The following JAZF1 variants were observed in gnomAD, a reference collection of about 807,000 sequenced individuals.
The protein encoded by JAZF1 is JAZF zinc finger 1, also known as juxtaposed with another zinc finger protein 1.
JAZF1 carries 8 observed loss-of-function variants against 26.4 expected under a neutral mutation model. The observed-to-expected ratio is 0.30, with a 90% CI of 0.18 to 0.55. JAZF1 has a LOEUF of 0.55. JAZF1 is among the 20% of genes least tolerant of loss of function. The pLI is 0.94. For missense variants in JAZF1, 199 were observed against 322.0 expected (o/e 0.62, Z 2.92); for synonymous variants, 126 against 122.3 (o/e 1.03, Z -0.20).
chr7:28,040,393 C>G (rs1342389322), intron 1 of JAZF1, among the ~76,000 whole-genome samples: 5 of 152,058 alleles, frequency 3.3e-5, no homozygotes, highest in South Asian at 4.1e-4. Flanking sequence ...AAGAAAATAT[C>G]GAAGAGAGAT....
At position 27,980,148 on chromosome 7, in the gene JAZF1, G is replaced by C. The variant is rs368579438; in HGVS notation, c.188+11761C>G. On this transcript the variant is annotated intron_variant, in intron 2 of 4. Coordinates refer to ENST00000283928, the MANE Select transcript of JAZF1 (RefSeq NM_175061.4). The stretch of plus-strand genomic sequence containing the variant: ...AGTTTTAACTCTGATATCCCAACAG[G>C]TCAAGCTACACAGTGGCTAGAGCCT... 7.9e-5 allele frequency among the ~76,000 whole-genome samples: 12 copies of C among 152,160 alleles called. No homozygotes were observed. The South Asian group carries it at 1.7e-3, about 21-fold the overall frequency.
At chr7:28,112,831 T>G (rs1784683613) in intron 1 of JAZF1, among the ~76,000 whole-genome samples, 1 of 152,180 alleles carries the variant, frequency 6.6e-6, no homozygotes. Context: ...CATAAAAATT[T>G]GTATCAAGCA....
chr7:28,066,009 T>G (rs901022060), intron 1 of JAZF1, among the ~76,000 whole-genome samples: 1 of 152,190 alleles, frequency 6.6e-6, no homozygotes, highest in Non-Finnish European at 1.5e-5. Flanking sequence ...ACGAGAGGAC[T>G]ACTAATGTAA....
At chr7:28,165,394 G>C (rs1381979073) in intron 1 of JAZF1, among the ~76,000 whole-genome samples, 2 of 151,998 alleles carry the variant, frequency 1.3e-5, no homozygotes, top group African/African-American at 4.8e-5. Flanking sequence ...AGGTCCCTAG[G>C]GGCTTTGAAG....
At chr7:28,080,938 A>C (rs1424221927) in intron 1 of JAZF1, among the ~76,000 whole-genome samples, 1 of 150,320 alleles carries the variant, frequency 6.7e-6, no homozygotes, top group Non-Finnish European at 1.5e-5. Flanking sequence ...TTGTAAAAAA[A>C]AACAAAAAAA....
At chr7:27,874,485 G>A (rs17155971) in intron 3 of JAZF1, among the ~76,000 whole-genome samples, 33,321 of 151,976 alleles carry the variant, frequency 0.22, 4,445 homozygotes, top group East Asian at 0.49. Flanking sequence ...TCTCAAGACA[G>A]CCTAGGCTCA....
At chr7:27,839,610 A>C (rs1004015061) in intron 4 of JAZF1, among the ~76,000 whole-genome samples, 1 of 152,178 alleles carries the variant, frequency 6.6e-6, no homozygotes, top group African/African-American at 2.4e-5. Flanking sequence ...TCACATCTGC[A>C]TCCTGGGAGT....
chr7:28,142,506 A>G (rs1018916506), intron 1 of JAZF1, among the ~76,000 whole-genome samples: 5 of 152,164 alleles, frequency 3.3e-5, no homozygotes, highest in Non-Finnish European at 5.9e-5. Context: ...TCTAAAGGCA[A>G]TGGAGGAGGT....
intron 1 of JAZF1, among the ~76,000 whole-genome samples, chr7:28,040,086 CAAACCTAAAGTATTATT>C (rs1467166723): frequency 6.6e-6 from 1 of 152,090 alleles, no homozygotes; most frequent in Non-Finnish European, 1.5e-5. Context: ...CCAGATAATG[CAAACCTAAAGTATTATT>C]AAAGGGTATT....
chr7:28,079,315 T>G (rs951105306), intron 1 of JAZF1, among the ~76,000 whole-genome samples: 1 of 152,140 alleles, frequency 6.6e-6, no homozygotes. Flanking sequence ...TTAAAAGATG[T>G]ACCTCACTTG....
At chr7:27,972,413 C>A (rs62451158) in intron 2 of JAZF1, among the ~76,000 whole-genome samples, 1 of 152,072 alleles carries the variant, frequency 6.6e-6, no homozygotes, top group East Asian at 1.9e-4. Context: ...GGAACCCCAA[C>A]TCTTTTAGGG....
chr7:28,168,440 T>C (rs1783403233), intron 1 of JAZF1, among the ~76,000 whole-genome samples: 1 of 146,130 alleles, frequency 6.8e-6, no homozygotes, highest in South Asian at 2.2e-4. Flanking sequence ...TCCTAGCTTC[T>C]CTCTCTCAAA....
At chr7:27,893,175 A>C (rs1562520980) in intron 3 of JAZF1, among the ~76,000 whole-genome samples, 1 of 152,346 alleles carries the variant, frequency 6.6e-6, no homozygotes, top group East Asian at 1.9e-4. Flanking sequence ...GCCCCGAATT[A>C]AAGAAATCCA....
chr7:27,849,432 A>G (rs1365425357), intron 3 of JAZF1, among the ~76,000 whole-genome samples: 2 of 152,214 alleles, frequency 1.3e-5, no homozygotes, highest in Non-Finnish European at 2.9e-5. Context: ...AGTTTCTGCA[A>G]GAAAACGTAA....
intron 2 of JAZF1, among the ~76,000 whole-genome samples, chr7:27,930,113 A>G (rs1252698695): frequency 6.6e-6 from 1 of 151,864 alleles, no homozygotes; most frequent in Non-Finnish European, 1.5e-5. Context: ...CTCCTGCCTC[A>G]GCCCCCCGAG....
At chr7:27,963,860 C>T (rs1785227939) in intron 2 of JAZF1, among the ~76,000 whole-genome samples, 1 of 152,130 alleles carries the variant, frequency 6.6e-6, no homozygotes, top group Non-Finnish European at 1.5e-5. Flanking sequence ...AGCCAACATG[C>T]CAGGCAATGG....
At chr7:28,155,496 T>C (rs1035466398) in intron 1 of JAZF1, among the ~76,000 whole-genome samples, 6 of 152,196 alleles carry the variant, frequency 3.9e-5, no homozygotes, top group African/African-American at 1.4e-4. Flanking sequence ...CCCTATAAAG[T>C]GTGTTTTAGT....
At chr7:28,168,274 C>T (rs1438867551) in intron 1 of JAZF1, among the ~76,000 whole-genome samples, 4 of 149,524 alleles carry the variant, frequency 2.7e-5, no homozygotes, top group Admixed American at 2.0e-4. Context: ...CCCAGCTACT[C>T]GGGAGGCTGA....
chr7:27,942,451 T>C (rs1418252371), intron 2 of JAZF1, among the ~76,000 whole-genome samples: 2 of 152,132 alleles, frequency 1.3e-5, no homozygotes, highest in African/African-American at 4.8e-5. Flanking sequence ...GCAAATGGAG[T>C]AGCATTTATT....
Sources: gnomAD v4.1 joint callset for allele counts (sites outside exome capture counted in the v4.1 genomes callset) on GRCh38, gnomAD v4.1.1 for gene constraint, MANE v1.5 for transcripts, NCBI Gene and HGNC (gene_info 2026-07-23, HGNC 2026-07-21) for gene names.